Variants in CFAP95 observed in about 807,000 individuals in gnomAD.
CFAP95 encodes the protein cilia and flagella associated protein 95.
the CFAP95 span, chr9:69,857,873 T>G: frequency 6.3e-7 from 1 of 1,597,252 alleles, no homozygotes; most frequent in Non-Finnish European, 8.6e-7. Context: ...CATTACACTC[T>G]AACAAGTTTT....
At chr9:69,858,181 T>C in the CFAP95 span, 8 of 541,168 alleles carry the variant, frequency 1.5e-5, no homozygotes, top group Middle Eastern at 4.0e-4. Context: ...AAATCCTCAC[T>C]ATTTGCAGAT....
chr9:69,882,801 C>A, the CFAP95 span, among the ~76,000 whole-genome samples: 1 of 152,076 alleles, frequency 6.6e-6, no homozygotes, highest in African/African-American at 2.4e-5. Context: ...ATAAATCCTG[C>A]TTGGTCATGA....
At chr9:69,837,937 G>T in the CFAP95 span, among the ~76,000 whole-genome samples, 1 of 152,270 alleles carries the variant, frequency 6.6e-6, no homozygotes, top group East Asian at 1.9e-4. Flanking sequence ...TCCAGTTTCA[G>T]CTTTCTACAT....
the CFAP95 span, chr9:69,820,841 A>G: frequency 6.2e-7 from 1 of 1,602,558 alleles, no homozygotes; most frequent in East Asian, 2.2e-5. Flanking sequence ...GGACAGGTGC[A>G]TAGGGAACTC....
the CFAP95 span, among the ~76,000 whole-genome samples, chr9:69,863,883 A>G: frequency 1.3e-5 from 2 of 152,026 alleles, no homozygotes; most frequent in Non-Finnish European, 2.9e-5. Flanking sequence ...TTTTCTCTTT[A>G]AAAAAAGGAA....
At chr9:69,870,845 T>A in the CFAP95 span, among the ~76,000 whole-genome samples, 1 of 152,158 alleles carries the variant, frequency 6.6e-6, no homozygotes, top group South Asian at 2.1e-4. Flanking sequence ...ACATCTGAGC[T>A]GAGTCATGAA....
chr9:69,824,930 C>G, the CFAP95 span, among the ~76,000 whole-genome samples: 3 of 152,258 alleles, frequency 2.0e-5, no homozygotes, highest in East Asian at 5.8e-4. Context: ...GTGAGAAGCA[C>G]TAGCATTTTC....
chr9:69,825,753 A>G, the CFAP95 span, among the ~76,000 whole-genome samples: 25 of 152,170 alleles, frequency 1.6e-4, no homozygotes, highest in African/African-American at 5.8e-4. Context: ...AAATTCTCTC[A>G]TGTGAGGCTA....
the CFAP95 span, among the ~76,000 whole-genome samples, chr9:69,900,342 A>G: frequency 6.6e-6 from 1 of 152,190 alleles, no homozygotes; most frequent in African/African-American, 2.4e-5. Flanking sequence ...CTACAATGGC[A>G]TCCAGATACA....
chr9:69,886,964 C>A, the CFAP95 span: 2 of 1,234,288 alleles, frequency 1.6e-6, no homozygotes, highest in South Asian at 2.6e-5. Context: ...CTAGTATAGT[C>A]AAACTTGGGA....
At chr9:69,861,740 A>C in the CFAP95 span, among the ~76,000 whole-genome samples, 1 of 150,724 alleles carries the variant, frequency 6.6e-6, no homozygotes, top group Admixed American at 6.6e-5. Context: ...CAAAAAAAAA[A>C]AAAAAAAAAA....
the CFAP95 span, among the ~76,000 whole-genome samples, chr9:69,856,087 T>C: frequency 1.2e-4 from 18 of 152,228 alleles, 1 homozygote; most frequent in Admixed American, 1.1e-3. Flanking sequence ...GTACATCTTA[T>C]AGTTTGAAGA....
At chr9:69,820,968 A>C in the CFAP95 span, 3,194 of 1,613,994 alleles carry the variant, frequency 2.0e-3, 35 homozygotes, top group East Asian at 0.034. Context: ...GTGGAGCGCA[A>C]GGGCTCCCTG....
chr9:69,894,529 G>A, the CFAP95 span, among the ~76,000 whole-genome samples: 3 of 152,150 alleles, frequency 2.0e-5, no homozygotes. Flanking sequence ...CACTGGCTTA[G>A]TTATCTTACA....
chr9:69,895,369 CTGTG>C, the CFAP95 span, among the ~76,000 whole-genome samples: 25 of 107,914 alleles, frequency 2.3e-4, no homozygotes, highest in African/African-American at 9.0e-4. Flanking sequence ...CTCTCTCTCT[CTGTG>C]TGTGTGTGTG....
At chr9:69,877,131 T>C in the CFAP95 span, among the ~76,000 whole-genome samples, 1 of 152,228 alleles carries the variant, frequency 6.6e-6, no homozygotes, top group African/African-American at 2.4e-5. Flanking sequence ...TAATTATATA[T>C]GCTTATATGT....
the CFAP95 span, among the ~76,000 whole-genome samples, chr9:69,844,919 G>A: frequency 3.3e-5 from 5 of 152,206 alleles, no homozygotes; most frequent in Non-Finnish European, 7.4e-5. Context: ...CACTACAGCA[G>A]CAATATCCTG....
At chr9:69,841,142 G>T in the CFAP95 span, among the ~76,000 whole-genome samples, 1 of 103,000 alleles carries the variant, frequency 9.7e-6, no homozygotes, top group Non-Finnish European at 2.0e-5. Flanking sequence ...ATGGTATAAA[G>T]ACAGGTATAA....
At chr9:69,856,545 A>G in the CFAP95 span, 10 of 1,542,192 alleles carry the variant, frequency 6.5e-6, no homozygotes, top group East Asian at 4.5e-5. Context: ...TGTGGCTTCT[A>G]TGTTTCCAGA....
Sources: gnomAD v4.1 joint callset for allele counts (sites outside exome capture counted in the v4.1 genomes callset) on GRCh38, gnomAD v4.1.1 for gene constraint, MANE v1.5 for transcripts, NCBI Gene and HGNC (gene_info 2026-07-23, HGNC 2026-07-21) for gene names.